Variants in GREB1L observed in about 807,000 individuals in gnomAD.
GREB1L encodes GREB1-like protein.
Under a neutral mutation model 200.8 loss-of-function variants are expected in GREB1L, and 17 were observed. The ratio of observed to expected loss-of-function variants is 0.08; its 90% CI spans 0.06 to 0.13. GREB1L has a LOEUF of 0.13. Among genes scored for constraint, GREB1L ranks in the 10% least tolerant of loss-of-function variants. The pLI is 1.00. For missense variants in GREB1L, 1,657 were observed against 2,367.7 expected, an observed-to-expected ratio of 0.70 and a Z score of 6.23; for synonymous variants, 789 against 893.0, an observed-to-expected ratio of 0.88 and a Z score of 2.08.
intron 2 of GREB1L, among the ~76,000 whole-genome samples, chr18:21,373,949 T>C (rs1379199987): frequency 6.6e-6 from 1 of 152,178 alleles, no homozygotes; most frequent in African/African-American, 2.4e-5. Flanking sequence ...CTCTAATCTT[T>C]AGCCTATGGG....
chr18:21,336,013 T>C (rs531877151), intron 1 of GREB1L, among the ~76,000 whole-genome samples: 69 of 152,278 alleles, frequency 4.5e-4, no homozygotes, highest in African/African-American at 1.6e-3. Context: ...TCTTCATTCT[T>C]TCAGTGAGAG....
chr18:21,263,217 A>C (rs1035608164), intron 1 of GREB1L, among the ~76,000 whole-genome samples: 11 of 152,204 alleles, frequency 7.2e-5, no homozygotes, highest in African/African-American at 2.7e-4. Context: ...CCTTGAAAAG[A>C]TAAGAACTCC....
intron 2 of GREB1L, among the ~76,000 whole-genome samples, chr18:21,373,106 G>C (rs1224735482): frequency 1.3e-5 from 2 of 152,030 alleles, no homozygotes; most frequent in Non-Finnish European, 1.5e-5. Context: ...CTTCCTAGGT[G>C]GTGAGTGTGC....
At chr18:21,409,626 A>G (rs1365084593) in intron 7 of GREB1L, among the ~76,000 whole-genome samples, 8 of 152,188 alleles carry the variant, frequency 5.3e-5, no homozygotes, top group Non-Finnish European at 5.9e-5. Flanking sequence ...GTTTAATACA[A>G]TCTAATTTAT....
intron 1 of GREB1L, among the ~76,000 whole-genome samples, chr18:21,268,455 A>G (rs1366521723): frequency 1.4e-5 from 2 of 146,750 alleles, no homozygotes; most frequent in African/African-American, 2.5e-5. Flanking sequence ...GTTTAGGAAC[A>G]AGTTTCATGA....
At chr18:21,476,201 T>C (rs1486161608) in intron 16 of GREB1L, among the ~76,000 whole-genome samples, 2 of 152,080 alleles carry the variant, frequency 1.3e-5, no homozygotes, top group East Asian at 3.9e-4. Flanking sequence ...GTAGATGTTC[T>C]TTTCTCCAGG....
chr18:21,451,156 G>A lies in GREB1L; in HGVS notation c.1849+5G>A. On this transcript the variant is annotated splice_donor_5th_base_variant and intron_variant, in intron 13 of 32. Coordinates refer to ENST00000424526, the MANE Select transcript of GREB1L (RefSeq NM_001142966.3). ...ATTTCAAAACCACATCATTAGGTGA[G>A]TGGTTGTAAGATTTGGCAACACTGG... 1 of 1,551,432 alleles carries A rather than the reference G, an allele frequency of 6.4e-7. No homozygotes were observed. The highest frequency in any genetic ancestry group is 1.2e-5 in the South Asian group (1 of 84,022).
In GREB1L at chr18:21,425,721, A is replaced by G. The variant is rs377582420; in HGVS notation, c.833-13800A>G. ...AAGTATCTATACAAATCAATTTTCA[A>G]TTTTTCAGTTGGGTTGACTCTTTAT... On this transcript the variant is annotated intron_variant, in intron 7 of 32. Transcript: ENST00000424526. Among the ~76,000 whole-genome samples, 28 of 152,120 alleles carry G rather than the reference A, an allele frequency of 1.8e-4. 1 individual carries two copies. Among genetic ancestry groups the G allele is most frequent in the Admixed American group, 5.9e-4 (9 of 15,280 alleles).
rs1415043756 is a variant in GREB1L, at chr18:21,496,642, T to A, written c.3335T>A (p.Leu1112Gln). The change falls in exon 21 of 33, where the codon CTG becomes CAG. Residue 1112 changes from leucine to glutamine, a missense_variant. Around this residue, in one of 9 missense-constraint regions of GREB1L, gnomAD observed 512 missense variants for 668.3 expected, o/e 0.77. Transcript: ENST00000424526. ...AAVSENDSDE[L>Q]LIDLERPQSN... ...GTCAGTGAGAATGACTCCGATGAGC[T>A]GCTCATCGACCTGGAGCGGCCCCAG... The A allele has an allele frequency of 6.4e-7, 1 of 1,551,464 alleles. No homozygotes were observed. The highest frequency in any genetic ancestry group is 2.0e-5 in the Admixed American group (1 of 50,998).
At chr18:21,292,335 A>C (rs945435386) in intron 1 of GREB1L, among the ~76,000 whole-genome samples, 1 of 152,242 alleles carries the variant, frequency 6.6e-6, no homozygotes, top group African/African-American at 2.4e-5. Context: ...AGTCAAAGGC[A>C]GAAATTTGGT....
intron 7 of GREB1L, among the ~76,000 whole-genome samples, chr18:21,410,934 C>A (rs2030917336): frequency 6.6e-6 from 1 of 151,566 alleles, no homozygotes; most frequent in African/African-American, 2.4e-5. Context: ...CCAGCCTGGG[C>A]AACAGAGCTA....
Position 21,525,663 on chromosome 18 carries a change from T to TTTG in GREB1L, c.*2845_*2847dup, listed in dbSNP as rs1010267314. 2.6e-5 allele frequency among the ~76,000 whole-genome samples: 4 copies of TTTG among 152,184 alleles called. No homozygotes were observed. The highest frequency in any genetic ancestry group is 9.7e-5 in the African/African-American group (4 of 41,442). On this transcript the variant is annotated 3_prime_UTR_variant, in exon 33 of 33. Coordinates refer to ENST00000424526, the MANE Select transcript of GREB1L (RefSeq NM_001142966.3). ...GGGTTGCTAAAACTAATACAAGGTGTTTGTTATTGTTAATCTCCAGTTAAA... is the reference window on the plus strand; with the variant it reads ...GGGTTGCTAAAACTAATACAAGGTGTTTGTTGTTATTGTTAATCTCCAGTTAAA...
intron 1 of GREB1L, among the ~76,000 whole-genome samples, chr18:21,309,429 A>G (rs1422727054): frequency 6.6e-6 from 1 of 152,134 alleles, no homozygotes; most frequent in Non-Finnish European, 1.5e-5. Context: ...TCATTATGTG[A>G]GAGTGTTTTG....
At chr18:21,398,720 G>C (rs1305092525) in intron 5 of GREB1L, among the ~76,000 whole-genome samples, 1 of 152,084 alleles carries the variant, frequency 6.6e-6, no homozygotes, top group Non-Finnish European at 1.5e-5. Context: ...ATATCAATTT[G>C]TCTAAATTTT....
At chr18:21,473,888 C>T (rs538815000) in intron 16 of GREB1L, among the ~76,000 whole-genome samples, 5 of 152,210 alleles carry the variant, frequency 3.3e-5, no homozygotes, top group South Asian at 4.2e-4. Flanking sequence ...ACATGGATGG[C>T]GGCAGGCAAA....
chr18:21,340,712 T>C (rs2039257644), intron 1 of GREB1L, among the ~76,000 whole-genome samples: 3 of 151,582 alleles, frequency 2.0e-5, no homozygotes, highest in Non-Finnish European at 4.4e-5. Context: ...CTGGCTAATT[T>C]TTTTGTATTT....
chr18:21,450,875 GT>G (rs1345442303), intron 12 of GREB1L, 147 bp from the exon 13 acceptor site: 1 of 637,464 alleles, frequency 1.6e-6, no homozygotes, highest in Non-Finnish European at 2.7e-6. Flanking sequence ...CTATATAATT[GT>G]CCATACCTTT....
intron 23 of GREB1L, among the ~76,000 whole-genome samples, chr18:21,503,984 C>T (rs2036910577): frequency 6.6e-6 from 1 of 152,144 alleles, no homozygotes. Context: ...CTCTGTCACA[C>T]AGGCTGGAGT....
At chr18:21,339,697 ATGT>A (rs2039239735) in intron 1 of GREB1L, among the ~76,000 whole-genome samples, 2 of 152,220 alleles carry the variant, frequency 1.3e-5, no homozygotes, top group Non-Finnish European at 2.9e-5. Flanking sequence ...CAGTTCTGAG[ATGT>A]TGTTTATAAA....
Sources: allele counts gnomAD v4.1 joint callset (sites outside exome capture counted in the v4.1 genomes callset), GRCh38; gene constraint gnomAD v4.1.1; regional missense constraint gnomAD v4.1.1; transcripts MANE v1.5; gene names NCBI Gene and HGNC (gene_info 2026-07-23, HGNC 2026-07-21).